FHIT: variants seen among roughly 807,000 people sequenced by gnomAD.
The protein encoded by FHIT is fragile histidine triad diadenosine triphosphatase.
In FHIT, 19 loss-of-function variants were observed where a neutral mutation model predicts 17.9. That is an observed-to-expected ratio of 1.06 (90% CI 0.74 to 1.56). FHIT has a LOEUF of 1.56. FHIT is among the 40% of genes most tolerant of loss of function. The pLI is 0.00. For missense variants in FHIT, 248 were observed against 189.2 expected (o/e 1.31, Z -1.82); for synonymous variants, 81 against 69.7 (o/e 1.16, Z -0.81).
At chr3:60,367,804 G>A (rs1419347065) in intron 5 of FHIT, among the ~76,000 whole-genome samples, 1 of 152,142 alleles carries the variant, frequency 6.6e-6, no homozygotes, top group African/African-American at 2.4e-5. Context: ...AAGTTCTCCA[G>A]TGCTCACCTG....
At chr3:60,181,588 A>G (rs1332844902) in intron 5 of FHIT, among the ~76,000 whole-genome samples, 3 of 152,196 alleles carry the variant, frequency 2.0e-5, no homozygotes, top group Non-Finnish European at 4.4e-5. Flanking sequence ...CACTGGCATC[A>G]ACAGAAGACC....
At chr3:60,064,687 G>A (rs138647906) in intron 5 of FHIT, among the ~76,000 whole-genome samples, 448 of 152,172 alleles carry the variant, frequency 2.9e-3, no homozygotes, top group Admixed American at 4.8e-3. Context: ...GAGAATGAAG[G>A]AGAACAATGT....
intron 5 of FHIT, among the ~76,000 whole-genome samples, chr3:60,277,344 T>G (rs1182024046): frequency 1.3e-5 from 2 of 152,176 alleles, no homozygotes; most frequent in Admixed American, 1.3e-4. Context: ...CAAATCATTT[T>G]CTTTTCTAAC....
At chr3:61,051,861 G>A (rs532377983) in intron 2 of FHIT, among the ~76,000 whole-genome samples, 3 of 152,262 alleles carry the variant, frequency 2.0e-5, no homozygotes, top group South Asian at 2.1e-4. Flanking sequence ...AAGTTACACT[G>A]CATCTAATGA....
At chr3:60,850,784 T>C (rs187597803) in intron 3 of FHIT, among the ~76,000 whole-genome samples, 5 of 152,260 alleles carry the variant, frequency 3.3e-5, no homozygotes, top group African/African-American at 9.6e-5. Context: ...GAGGTGTCTT[T>C]ATCTTATAAA....
intron 4 of FHIT, among the ~76,000 whole-genome samples, chr3:60,728,724 CA>C (rs1553710301): frequency 4.6e-5 from 7 of 151,168 alleles, no homozygotes; most frequent in African/African-American, 1.7e-4. Flanking sequence ...CACACACACA[CA>C]CACACAATTG....
chr3:60,499,532 T>C (rs2034437380), intron 5 of FHIT, among the ~76,000 whole-genome samples: 2 of 152,034 alleles, frequency 1.3e-5, no homozygotes, highest in Admixed American at 1.3e-4. Context: ...GCTGGGACTA[T>C]AAGTGCCCGC....
intron 3 of FHIT, among the ~76,000 whole-genome samples, chr3:60,857,171 C>G (rs1357003842): frequency 6.6e-6 from 1 of 152,094 alleles, no homozygotes; most frequent in Non-Finnish European, 1.5e-5. Flanking sequence ...TGGATGCCAT[C>G]TTGGGAGGGG....
Position 61,109,069 on chromosome 3 carries a change from T to G in FHIT, c.-163-66970A>C, listed in dbSNP as rs562318603. Among the ~76,000 whole-genome samples, 3 of 152,346 alleles carry G rather than the reference T, an allele frequency of 2.0e-5. No homozygotes were observed. In the East Asian group the frequency reaches 5.8e-4, roughly 29 times the overall value. On this transcript the variant is annotated intron_variant, in intron 2 of 9. Transcript: ENST00000492590. ...CACACTAAGTCCTAAATGACTGGTCTTCTTCCAAGTGAACATTTTATTGGA... is the reference window on the plus strand; with the variant it reads ...CACACTAAGTCCTAAATGACTGGTCGTCTTCCAAGTGAACATTTTATTGGA...
chr3:59,760,895 C>A (rs1320171951), intron 8 of FHIT, among the ~76,000 whole-genome samples: 2 of 151,910 alleles, frequency 1.3e-5, no homozygotes, highest in Non-Finnish European at 2.9e-5. Flanking sequence ...CTCACTGCAG[C>A]CTCAACCTCC....
intron 4 of FHIT, among the ~76,000 whole-genome samples, chr3:60,673,552 C>A (rs2040556723): frequency 6.6e-6 from 1 of 151,948 alleles, no homozygotes; most frequent in South Asian, 2.1e-4. Flanking sequence ...GGGAGAGCAT[C>A]AGGATAAATA....
At chr3:61,011,492 A>T (rs1559907929) in intron 3 of FHIT, among the ~76,000 whole-genome samples, 1 of 152,136 alleles carries the variant, frequency 6.6e-6, no homozygotes, top group Non-Finnish European at 1.5e-5. Context: ...AATCATCAAC[A>T]CACTAAATGG....
At chr3:60,178,889 T>C (rs1313216122) in intron 5 of FHIT, among the ~76,000 whole-genome samples, 1 of 152,188 alleles carries the variant, frequency 6.6e-6, no homozygotes, top group African/African-American at 2.4e-5. Context: ...GCCCTCTGTA[T>C]TCTCCTAAAG....
intron 5 of FHIT, among the ~76,000 whole-genome samples, chr3:60,380,932 C>G (rs1700775097): frequency 6.6e-6 from 1 of 151,512 alleles, no homozygotes; most frequent in Admixed American, 6.6e-5. Flanking sequence ...CCTGGTTCCA[C>G]TATGCGAACA....
At chr3:60,363,894 C>T (rs1002728868) in intron 5 of FHIT, among the ~76,000 whole-genome samples, 21 of 152,144 alleles carry the variant, frequency 1.4e-4, no homozygotes, top group Admixed American at 3.9e-4. Context: ...CCTCAAAGGA[C>T]GGTCACCATC....
intron 2 of FHIT, among the ~76,000 whole-genome samples, chr3:61,042,904 A>G (rs2033591117): frequency 6.6e-6 from 1 of 152,266 alleles, no homozygotes; most frequent in South Asian, 2.1e-4. Flanking sequence ...CCACTGGCCT[A>G]GGAAGGGAAT....
chr3:60,297,151 A>G (rs1708249578), intron 5 of FHIT, among the ~76,000 whole-genome samples: 1 of 152,072 alleles, frequency 6.6e-6, no homozygotes, highest in South Asian at 2.1e-4. Context: ...TATGAATTTC[A>G]GGATAATCTT....
At chr3:60,499,025 A>G (rs2034415629) in intron 5 of FHIT, among the ~76,000 whole-genome samples, 1 of 142,592 alleles carries the variant, frequency 7.0e-6, no homozygotes, top group South Asian at 2.3e-4. Flanking sequence ...ATAGCGTGAT[A>G]GATGTGAACT....
chr3:60,965,660 C>T (rs1255950040), intron 3 of FHIT, among the ~76,000 whole-genome samples: 2 of 152,184 alleles, frequency 1.3e-5, no homozygotes, highest in African/African-American at 4.8e-5. Context: ...TTCTAACAGT[C>T]AGGACCCTGA....
Sources: gnomAD v4.1 joint callset for allele counts (sites outside exome capture counted in the v4.1 genomes callset) on GRCh38, gnomAD v4.1.1 for gene constraint, MANE v1.5 for transcripts, NCBI Gene and HGNC (gene_info 2026-07-23, HGNC 2026-07-21) for gene names.